Variants in RNF220 observed in about 807,000 individuals in gnomAD.
The protein encoded by RNF220 is E3 ubiquitin-protein ligase RNF220.
RNF220 carries 7 observed loss-of-function variants against 67.1 expected under a neutral mutation model. The observed-to-expected ratio is 0.10, with a 90% CI of 0.06 to 0.20. RNF220 has a LOEUF of 0.20. Ranked by LOEUF, RNF220 falls within the 10% of genes least tolerant of loss-of-function variation. The pLI is 1.00. For synonymous variants in RNF220, 270 were observed against 283.2 expected (o/e 0.95, Z 0.47); for missense variants, 565 against 740.3 (o/e 0.76, Z 2.75).
chr1:44,605,727 A>G (rs570399030), intron 2 of RNF220, among the ~76,000 whole-genome samples: 2 of 152,300 alleles, frequency 1.3e-5, no homozygotes, highest in East Asian at 3.9e-4. Context: ...ACGTGGAAGA[A>G]GGAACCCTAG....
At chr1:44,427,401 G>T (rs12091565) in intron 2 of RNF220, among the ~76,000 whole-genome samples, 9,718 of 152,232 alleles carry the variant, frequency 0.064, 357 homozygotes, top group African/African-American at 0.082. Context: ...GGAGCCTTTT[G>T]CAGTGTGGCA....
intron 2 of RNF220, among the ~76,000 whole-genome samples, chr1:44,595,118 C>T (rs1159142948): frequency 1.3e-5 from 2 of 152,202 alleles, no homozygotes; most frequent in South Asian, 4.1e-4. Context: ...CACTCTAGAG[C>T]TGCTGAATCA....
chr1:44,604,634 GC>G (rs1163190989), intron 2 of RNF220, among the ~76,000 whole-genome samples: 1 of 152,266 alleles, frequency 6.6e-6, no homozygotes, highest in Non-Finnish European at 1.5e-5. Context: ...TCCAGCTTGA[GC>G]CCAAGTCTGA....
chr1:44,634,386 G>A (rs1644262788), intron 6 of RNF220, among the ~76,000 whole-genome samples: 1 of 152,244 alleles, frequency 6.6e-6, no homozygotes, highest in African/African-American at 2.4e-5. Flanking sequence ...TAGTAAATGA[G>A]CTACCTTGGG....
intron 2 of RNF220, among the ~76,000 whole-genome samples, chr1:44,414,338 CT>C (rs1029075909): frequency 2.0e-5 from 3 of 152,206 alleles, no homozygotes; most frequent in Non-Finnish European, 4.4e-5. Flanking sequence ...GATTCCGCCC[CT>C]TTTTTTCTCC....
chr1:44,615,546 C>G (rs461659), intron 3 of RNF220, among the ~76,000 whole-genome samples: 24,086 of 152,156 alleles, frequency 0.16, 2,024 homozygotes, highest in East Asian at 0.21. Flanking sequence ...TACCTTCTTA[C>G]CGAATCCCCA....
At chr1:44,449,757 T>C (rs2147925309) in intron 2 of RNF220, among the ~76,000 whole-genome samples, 1 of 152,306 alleles carries the variant, frequency 6.6e-6, no homozygotes, top group African/African-American at 2.4e-5. Flanking sequence ...TCATTCAACA[T>C]ACACTTATGT....
chr1:44,564,783 GT>G (rs1663861628), intron 2 of RNF220, among the ~76,000 whole-genome samples: 1 of 150,388 alleles, frequency 6.6e-6, no homozygotes, highest in African/African-American at 2.4e-5. Flanking sequence ...CCACTATTCT[GT>G]TTTCCTGCCT....
At chr1:44,597,820 G>A (rs1572995259) in intron 2 of RNF220, among the ~76,000 whole-genome samples, 3 of 151,846 alleles carry the variant, frequency 2.0e-5, no homozygotes, top group East Asian at 3.9e-4. Context: ...TCATGTACAC[G>A]CCTCCTCTTC....
At chr1:44,623,316 C>G (rs915216922) in intron 4 of RNF220, among the ~76,000 whole-genome samples, 10 of 152,128 alleles carry the variant, frequency 6.6e-5, no homozygotes, top group African/African-American at 2.4e-4. Flanking sequence ...CCTCTCTGAA[C>G]AAACCCTGTG....
At position 44,491,789 on chromosome 1, in the gene RNF220, G is replaced by A. The variant is rs539798969; in HGVS notation, c.625+79067G>A. On this transcript the variant is annotated intron_variant, in intron 2 of 14. Coordinates refer to ENST00000361799, the MANE Select transcript of RNF220 (RefSeq NM_018150.4). Reference sequence around the variant, plus strand: ...AGCAATTCTCATGCCTCAGCCTCCCGAGTAGCTGGGACCACAGGTGCACAC... The same window carrying A: ...AGCAATTCTCATGCCTCAGCCTCCCAAGTAGCTGGGACCACAGGTGCACAC... Among the ~76,000 whole-genome samples the A allele has an allele frequency of 7.2e-5, 11 of 152,128 alleles. No homozygotes were observed. In the South Asian group the frequency reaches 1.0e-3, roughly 14 times the overall value.
At chr1:44,495,594 T>C (rs1444944850) in intron 2 of RNF220, among the ~76,000 whole-genome samples, 8 of 152,084 alleles carry the variant, frequency 5.3e-5, no homozygotes, top group Non-Finnish European at 1.2e-4. Context: ...CGCCACCATG[T>C]CCAGCTAATT....
chr1:44,406,212 G>A (rs982798780), intron 1 of RNF220, among the ~76,000 whole-genome samples: 1 of 151,964 alleles, frequency 6.6e-6, no homozygotes, highest in Non-Finnish European at 1.5e-5. Context: ...CCTAGCGGGG[G>A]CGGGTGTGAA....
rs55870438 is a variant in RNF220 at position 44,495,252 on chromosome 1, CA to C, written c.625+82543del. The stretch of plus-strand genomic sequence containing the variant: ...CAAATAAAACCAGAAACAAAAGATA[CA>C]AAAAAAAAAAAAGAATAGATTTGGC... On this transcript the variant is annotated intron_variant, in intron 2 of 14. Transcript: ENST00000361799. 8.1e-3 allele frequency among the ~76,000 whole-genome samples: 1,055 copies of C among 129,820 alleles called. 3 individuals are homozygous for C. Among genetic ancestry groups the C allele is most frequent in the African/African-American group, 0.017 (596 of 35,436 alleles). 85.2% of individuals were successfully genotyped at this position (129,820 alleles called of 152,430 possible).
chr1:44,571,564 G>A (rs1664445814), intron 2 of RNF220, among the ~76,000 whole-genome samples: 1 of 152,190 alleles, frequency 6.6e-6, no homozygotes, highest in African/African-American at 2.4e-5. Context: ...CATGGTAGGT[G>A]CTTAATAAAT....
chr1:44,423,791 T>C (rs1649464992), intron 2 of RNF220: 19 of 973,216 alleles, frequency 2.0e-5, no homozygotes, highest in Non-Finnish European at 2.0e-5. Context: ...GCAGAGTTTC[T>C]TGGCAAAGTT....
intron 2 of RNF220, among the ~76,000 whole-genome samples, chr1:44,526,158 T>C (rs1342020173): frequency 2.0e-5 from 3 of 152,198 alleles, no homozygotes; most frequent in Non-Finnish European, 4.4e-5. Flanking sequence ...TACTTTCTCC[T>C]CTATTTCCGG....
At chr1:44,472,681 C>T (rs919866671) in intron 2 of RNF220, among the ~76,000 whole-genome samples, 3 of 152,228 alleles carry the variant, frequency 2.0e-5, no homozygotes, top group African/African-American at 4.8e-5. Context: ...CTCAGCCTTC[C>T]GGTCCAACAG....
chr1:44,456,212 T>C (rs983272987), intron 2 of RNF220, among the ~76,000 whole-genome samples: 35 of 152,200 alleles, frequency 2.3e-4, no homozygotes, highest in African/African-American at 8.4e-4. Flanking sequence ...CACTGAAGAA[T>C]TAATGGAATT....
Sources: allele counts gnomAD v4.1 joint callset (sites outside exome capture counted in the v4.1 genomes callset), GRCh38; gene constraint gnomAD v4.1.1; transcripts MANE v1.5; gene names NCBI Gene and HGNC (gene_info 2026-07-23, HGNC 2026-07-21).